ARPP21: variants seen among roughly 807,000 people sequenced by gnomAD.
The protein encoded by ARPP21 is cAMP regulated phosphoprotein 21, also known as cAMP-regulated phosphoprotein 21.
Under a neutral mutation model 113.2 loss-of-function variants are expected in ARPP21, and 69 were observed. The ratio of observed to expected loss-of-function variants is 0.61; its 90% CI spans 0.50 to 0.74. The LOEUF is 0.74. Among genes scored for constraint, ARPP21 ranks in the 30% least tolerant of loss-of-function variants. The pLI, the probability that ARPP21 is intolerant of heterozygous loss-of-function variation, is 0.00. For missense variants in ARPP21, 1,070 were observed against 1,037.4 expected (o/e 1.03, Z -0.43); for synonymous variants, 368 against 375.5 (o/e 0.98, Z 0.23).
At chr3:35,690,807 G>T (rs1264955132) in intron 8 of ARPP21, 58 bp from the exon 9 acceptor site, 6 of 1,504,330 alleles carry the variant, frequency 4.0e-6, no homozygotes, top group South Asian at 3.8e-5. Context: ...CTTGTAAAAA[G>T]GTATTATGGG....
In ARPP21 at chr3:35,672,839, G is replaced by C. The variant is rs550083417; in HGVS notation, c.-212-6948G>C. On this transcript the variant is annotated intron_variant, in intron 1 of 20. Coordinates refer to ENST00000684406, the MANE Select transcript of ARPP21 (RefSeq NM_001385562.1). ...ATATAGGACAGGCAGACAGCTTGCTGTCTTCCCTGCTGTAGGCTAGCAATG... is the reference window on the plus strand; with the variant it reads ...ATATAGGACAGGCAGACAGCTTGCTCTCTTCCCTGCTGTAGGCTAGCAATG... Among the ~76,000 whole-genome samples the C allele has an allele frequency of 2.7e-4, 41 of 152,148 alleles. No homozygotes were observed. In the South Asian group the frequency reaches 7.3e-3, roughly 27 times the overall value.
In ARPP21 at chr3:35,668,010, AG is replaced by A. The variant is rs1454453828; in HGVS notation, c.-212-11776del. Reference sequence around the variant, plus strand: ...AAGAAGAAGAAGAAGAAGAAGAAGAAGAAGAAGAAGAAGAAGAAGAAGGAGA... The same window carrying A: ...AAGAAGAAGAAGAAGAAGAAGAAGAAAAGAAGAAGAAGAAGAAGAAGGAGA... On this transcript the variant is annotated intron_variant, in intron 1 of 20. Transcript: ENST00000684406. 2.1e-4 allele frequency among the ~76,000 whole-genome samples: 32 copies of A among 150,498 alleles called. 1 individual carries two copies. The highest frequency in any genetic ancestry group is 7.6e-4 in the African/African-American group (31 of 40,578).
chr3:35,700,514 G>GAA (rs1238135950), intron 9 of ARPP21, among the ~76,000 whole-genome samples: 2 of 141,276 alleles, frequency 1.4e-5, no homozygotes, highest in African/African-American at 2.6e-5. Context: ...AGAATTTAAA[G>GAA]AAAAAAAAAA....
chr3:35,650,702 G>T (rs969936474), intron 1 of ARPP21, among the ~76,000 whole-genome samples: 1 of 151,798 alleles, frequency 6.6e-6, no homozygotes, highest in African/African-American at 2.4e-5. Flanking sequence ...CAACATTTAG[G>T]TTGCTCTCCA....
chr3:35,739,734 A>G lies in ARPP21; in HGVS notation c.2010+157A>G, dbSNP rs148937063. 3.0e-4 allele frequency among the ~76,000 whole-genome samples: 46 copies of G among 152,324 alleles called. No homozygotes were observed. In the East Asian group the frequency reaches 8.5e-3, roughly 28 times the overall value. On this transcript the variant is annotated intron_variant, in intron 18 of 20. Coordinates refer to ENST00000684406, the MANE Select transcript of ARPP21 (RefSeq NM_001385562.1). ...CAGGAAGTAGTATATTTTTTCATGC[A>G]TCAGTTGTTCAAAGTTATAGGGCTC...
chr3:35,794,195 AG>A lies in ARPP21; in HGVS notation c.*239del, dbSNP rs1325520656. 3 of 559,224 alleles carry A rather than the reference AG, an allele frequency of 5.4e-6. No individual in the cohort carries two copies. Among genetic ancestry groups the A allele is most frequent in the Non-Finnish European group, 9.6e-6 (3 of 313,486 alleles). 34.6% of individuals were successfully genotyped at this position (559,224 alleles called of 1,614,324 possible). On this transcript the variant is annotated 3_prime_UTR_variant, in exon 21 of 21. Coordinates refer to ENST00000684406, the MANE Select transcript of ARPP21 (RefSeq NM_001385562.1). ...CTTAGCTAGTGACATGAATTCATCA[AG>A]GTAAGATTTTCTCCTACCACTGAAT...
intron 14 of ARPP21, among the ~76,000 whole-genome samples, chr3:35,726,774 C>A (rs566261115): frequency 1.3e-5 from 2 of 152,320 alleles, no homozygotes; most frequent in East Asian, 1.9e-4. Context: ...TGAGTTAGGA[C>A]GTGCTCCCTT....
intron 5 of ARPP21, chr3:35,685,079 C>T: frequency 1.0e-6 from 1 of 985,286 alleles, no homozygotes; most frequent in Non-Finnish European, 1.2e-6. Context: ...GAATGACAGA[C>T]CCTGGGAGAA....
chr3:35,688,131 T>C (rs2081154024), intron 6 of ARPP21, among the ~76,000 whole-genome samples: 1 of 151,592 alleles, frequency 6.6e-6, no homozygotes, highest in Admixed American at 6.6e-5. Context: ...TTTAATCTTC[T>C]GTTTTCAGTG....
chr3:35,752,240 A>G (rs1057143982), intron 19 of ARPP21, among the ~76,000 whole-genome samples: 1 of 151,980 alleles, frequency 6.6e-6, no homozygotes, highest in South Asian at 2.1e-4. Flanking sequence ...ATACTATGAT[A>G]ACAGTATCAA....
chr3:35,659,005 A>G (rs1036042365), intron 1 of ARPP21, among the ~76,000 whole-genome samples: 6 of 152,162 alleles, frequency 3.9e-5, no homozygotes. Context: ...TCATATTTAA[A>G]TGATAAAGTC....
At chr3:35,780,783 C>A in intron 19 of ARPP21, among the ~76,000 whole-genome samples, 1 of 151,992 alleles carries the variant, frequency 6.6e-6, no homozygotes, top group South Asian at 2.1e-4. Context: ...CTTAGCAATT[C>A]GTATTTTAAT....
chr3:35,643,972 A>T (rs1470410566), intron 1 of ARPP21: 1 of 152,038 alleles, frequency 6.6e-6, no homozygotes, highest in Non-Finnish European at 1.5e-5. Flanking sequence ...GCGATGATGC[A>T]TTTGTAAAAC....
At chr3:35,744,775 C>A (rs2094913765) in intron 19 of ARPP21, among the ~76,000 whole-genome samples, 1 of 152,138 alleles carries the variant, frequency 6.6e-6, no homozygotes, top group Non-Finnish European at 1.5e-5. Context: ...TAGATGCCTG[C>A]TCCGTGATCT....
At chr3:35,736,440 G>T (rs2094354823) in intron 15 of ARPP21, among the ~76,000 whole-genome samples, 1 of 152,128 alleles carries the variant, frequency 6.6e-6, no homozygotes, top group African/African-American at 2.4e-5. Flanking sequence ...AGGCTCAAAT[G>T]ATGCTATTTT....
intron 19 of ARPP21, among the ~76,000 whole-genome samples, chr3:35,764,394 C>G (rs1415012452): frequency 6.6e-6 from 1 of 152,138 alleles, no homozygotes; most frequent in Non-Finnish European, 1.5e-5. Flanking sequence ...TAAAAGTTGT[C>G]AACTACATAA....
intron 1 of ARPP21, among the ~76,000 whole-genome samples, chr3:35,673,228 C>G (rs2076760600): frequency 6.6e-6 from 1 of 152,044 alleles, no homozygotes; most frequent in African/African-American, 2.4e-5. Flanking sequence ...TCCGTTTCTG[C>G]TAATCTCTCT....
At chr3:35,741,504 C>G (rs972410843) in intron 18 of ARPP21, among the ~76,000 whole-genome samples, 1 of 152,150 alleles carries the variant, frequency 6.6e-6, no homozygotes, top group South Asian at 2.1e-4. Flanking sequence ...GAAAATGAAT[C>G]TATTTAATAA....
intron 9 of ARPP21, 62 bp from the exon 10 acceptor site, chr3:35,706,912 A>C: frequency 1.5e-6 from 2 of 1,301,744 alleles, no homozygotes; most frequent in Non-Finnish European, 2.2e-6. Flanking sequence ...GAACAACACT[A>C]AAAAATAACT....
Sources: allele counts gnomAD v4.1 joint callset (sites outside exome capture counted in the v4.1 genomes callset), GRCh38; gene constraint gnomAD v4.1.1; transcripts MANE v1.5; gene names NCBI Gene and HGNC (gene_info 2026-07-23, HGNC 2026-07-21).